TMEM131L: variants seen among roughly 807,000 people sequenced by gnomAD.
The protein encoded by TMEM131L is transmembrane protein 131-like.
Under a neutral mutation model 192.2 loss-of-function variants are expected in TMEM131L, and 54 were observed. The observed-to-expected ratio is 0.28, with a 90% CI of 0.23 to 0.35. The LOEUF is 0.35. Ranked by LOEUF, TMEM131L falls within the 10% of genes least tolerant of loss-of-function variation. The pLI is 1.00. For synonymous variants in TMEM131L, 701 were observed against 704.9 expected, an observed-to-expected ratio of 0.99 and a Z score of 0.09; for missense variants, 1,888 against 1,972.9, an observed-to-expected ratio of 0.96 and a Z score of 0.82.
chr4:153,497,892 A>T (rs1189237948), intron 3 of TMEM131L, among the ~76,000 whole-genome samples: 1 of 151,322 alleles, frequency 6.6e-6, no homozygotes, highest in Non-Finnish European at 1.5e-5. Flanking sequence ...AAAAAAAAAA[A>T]AAAAAAAGAA....
intron 3 of TMEM131L, among the ~76,000 whole-genome samples, chr4:153,492,505 G>A (rs1732861509): frequency 6.6e-6 from 1 of 152,222 alleles, no homozygotes; most frequent in Non-Finnish European, 1.5e-5. Context: ...AAGGTTGTGT[G>A]TAAAATAAGT....
At chr4:153,548,332 G>A (rs990443343) in intron 3 of TMEM131L, among the ~76,000 whole-genome samples, 2 of 152,054 alleles carry the variant, frequency 1.3e-5, no homozygotes, top group South Asian at 2.1e-4. Flanking sequence ...ACGGAGTCTC[G>A]CTCTGTCGCC....
At chr4:153,612,552 C>A in intron 26 of TMEM131L, 152 bp downstream of exon 26, 3 of 571,290 alleles carry the variant, frequency 5.3e-6, no homozygotes. Context: ...ATTTTATTTA[C>A]CTTCTAATTA....
rs56409329 is a variant in TMEM131L, at chr4:153,550,581, C to A, written c.308+440C>A. ...GACTTCGTGATCCGCCCGCCTCGGC[C>A]TCCCAAAGTGCTGGGATTACAGGCG... On this transcript the variant is annotated intron_variant, in intron 4 of 34. Coordinates refer to ENST00000409959, the MANE Select transcript of TMEM131L (RefSeq NM_001131007.2). Among the ~76,000 whole-genome samples, 605 of 152,352 alleles carry A rather than the reference C, an allele frequency of 4.0e-3. 5 individuals are homozygous for A. The highest frequency in any genetic ancestry group is 0.031 in the Middle Eastern group (9 of 294).
At chr4:153,563,911 A>G (rs1019419741) in intron 7 of TMEM131L, among the ~76,000 whole-genome samples, 1 of 152,124 alleles carries the variant, frequency 6.6e-6, no homozygotes, top group African/African-American at 2.4e-5. Context: ...TGAATCCTCA[A>G]TGCAATAGTA....
chr4:153,609,342 C>T (rs1346177180), intron 25 of TMEM131L, among the ~76,000 whole-genome samples: 1 of 152,166 alleles, frequency 6.6e-6, no homozygotes, highest in Non-Finnish European at 1.5e-5. Context: ...CGTGAGAACT[C>T]TCTCACTATC....
intron 3 of TMEM131L, among the ~76,000 whole-genome samples, chr4:153,540,826 T>C (rs1388898710): frequency 6.6e-6 from 1 of 152,206 alleles, no homozygotes; most frequent in Non-Finnish European, 1.5e-5. Context: ...TGAGCTTGCA[T>C]TGTCCACCCA....
At chr4:153,486,748 C>T (rs545799602) in intron 3 of TMEM131L, among the ~76,000 whole-genome samples, 59 of 152,360 alleles carry the variant, frequency 3.9e-4, no homozygotes, top group African/African-American at 1.4e-3. Context: ...ACAGGTGGGT[C>T]TGCACTCACC....
At chr4:153,523,160 T>A (rs963711140) in intron 3 of TMEM131L, among the ~76,000 whole-genome samples, 2 of 152,252 alleles carry the variant, frequency 1.3e-5, no homozygotes, top group African/African-American at 4.8e-5. Flanking sequence ...TAGAATTTTA[T>A]GTTAGAATAA....
intron 3 of TMEM131L, among the ~76,000 whole-genome samples, chr4:153,535,731 T>G (rs1028088900): frequency 2.6e-5 from 4 of 152,220 alleles, no homozygotes; most frequent in African/African-American, 9.6e-5. Context: ...TCTTTAATAT[T>G]CTCACAGGTT....
chr4:153,510,071 T>A (rs1185176702), intron 3 of TMEM131L, among the ~76,000 whole-genome samples: 3 of 152,232 alleles, frequency 2.0e-5, no homozygotes, highest in African/African-American at 7.2e-5. Flanking sequence ...GTATTAAAAT[T>A]TTGATACCTG....
chr4:153,528,341 T>C (rs1053762411), intron 3 of TMEM131L, among the ~76,000 whole-genome samples: 5 of 152,236 alleles, frequency 3.3e-5, no homozygotes. Context: ...TTGTATTTGA[T>C]GTATCCTTTT....
At chr4:153,596,679 T>C (rs527690372) in intron 20 of TMEM131L, among the ~76,000 whole-genome samples, 23 of 152,222 alleles carry the variant, frequency 1.5e-4, no homozygotes, top group African/African-American at 4.8e-4. Flanking sequence ...AACACACTCA[T>C]GCAGATCTAC....
At chr4:153,634,921 C>G (rs924577131) in intron 33 of TMEM131L, among the ~76,000 whole-genome samples, 14 of 152,200 alleles carry the variant, frequency 9.2e-5, no homozygotes, top group African/African-American at 3.4e-4. Flanking sequence ...GATTTTGATA[C>G]ATGCATTGCT....
chr4:153,588,859 A>G (rs1407382633), intron 15 of TMEM131L, 31 bp from the exon 16 acceptor site: 5 of 1,131,670 alleles, frequency 4.4e-6, no homozygotes, highest in Admixed American at 1.8e-5. Flanking sequence ...TTTTCTGTAA[A>G]TCTAAATATG....
At chr4:153,553,457 T>TAA (rs34266190) in intron 4 of TMEM131L, among the ~76,000 whole-genome samples, 5,185 of 143,820 alleles carry the variant, frequency 0.036, 124 homozygotes, top group Non-Finnish European at 0.056. Flanking sequence ...TTGCTGAAGT[T>TAA]AAAAAAAAAA....
intron 3 of TMEM131L, among the ~76,000 whole-genome samples, chr4:153,506,621 C>T (rs1028546962): frequency 6.6e-6 from 1 of 152,016 alleles, no homozygotes; most frequent in African/African-American, 2.4e-5. Flanking sequence ...GGGGGGGACT[C>T]ATCTGAGGTC....
At chr4:153,612,875 G>GACA (rs1732732404) in intron 26 of TMEM131L, among the ~76,000 whole-genome samples, 2 of 152,020 alleles carry the variant, frequency 1.3e-5, no homozygotes, top group African/African-American at 2.4e-5. Flanking sequence ...GATCAAAAGG[G>GACA]GACAATGTGT....
intron 20 of TMEM131L, among the ~76,000 whole-genome samples, chr4:153,596,725 C>T (rs952764557): frequency 1.4e-4 from 21 of 152,240 alleles, no homozygotes; most frequent in African/African-American, 4.6e-4. Context: ...CGTTAAAGGA[C>T]TGCTGTAGAT....
Sources: gnomAD v4.1 joint callset for allele counts (sites outside exome capture counted in the v4.1 genomes callset) on GRCh38, gnomAD v4.1.1 for gene constraint, MANE v1.5 for transcripts, NCBI Gene and HGNC (gene_info 2026-07-23, HGNC 2026-07-21) for gene names.